The following HYDIN variants were observed in gnomAD, a reference collection of about 807,000 sequenced individuals.
HYDIN encodes axonemal central pair apparatus protein HYDIN.
A neutral mutation model predicts 403.9 loss-of-function variants in HYDIN; 132 were observed. That is an observed-to-expected ratio of 0.33 (90% CI 0.28 to 0.38). The LOEUF (loss-of-function observed/expected upper bound fraction) is 0.38. HYDIN is among the 10% of genes least tolerant of loss of function. The pLI, the probability that HYDIN is intolerant of heterozygous loss-of-function variation, is 1.00. For synonymous variants in HYDIN, 1,202 were observed against 1,891.7 expected, an observed-to-expected ratio of 0.64 and a Z score of 9.46; for missense variants, 2,827 against 5,009.5, an observed-to-expected ratio of 0.56 and a Z score of 13.15.
chr16:70,843,271 C>A (rs1294277066), intron 75 of HYDIN, among the ~76,000 whole-genome samples: 3 of 143,542 alleles, frequency 2.1e-5, no homozygotes, highest in Non-Finnish European at 4.5e-5. Context: ...CAATTCCCAC[C>A]TATGAGTGAG....
At chr16:71,107,245 A>G (rs969783984) in intron 10 of HYDIN, among the ~76,000 whole-genome samples, 1 of 151,546 alleles carries the variant, frequency 6.6e-6, no homozygotes, top group Non-Finnish European at 1.5e-5. Context: ...ACATGTATAC[A>G]TATGTAACAA....
At chr16:70,960,979 C>T (rs2078400399) in intron 38 of HYDIN, among the ~76,000 whole-genome samples, 1 of 152,270 alleles carries the variant, frequency 6.6e-6, no homozygotes, top group South Asian at 2.1e-4. Context: ...GCGTGAGCCA[C>T]CTTGCCCGGC....
chr16:70,862,105 A>G lies in HYDIN; in HGVS notation c.11720T>C (p.Phe3907Ser). Residue 3907 changes from phenylalanine to serine, a missense_variant, in exon 69 of 86, where the codon TTC (phenylalanine) becomes TCC (serine). Phe to Ser is a radical substitution (Grantham distance 155, BLOSUM62 -2). Transcript: ENST00000393567. ...GTCCAACGGGGAGAATTTTACTTTGAACTTCTGAATCTTCCCCACCGGCAC... is the reference window on the plus strand; with the variant it reads ...GTCCAACGGGGAGAATTTTACTTTGGACTTCTGAATCTTCCCCACCGGCAC... ...GIVPVGKIQKFKVKFSPLDIG... is the reference protein window; with the variant it reads ...GIVPVGKIQKSKVKFSPLDIG... 1 of 1,611,662 alleles carries G rather than the reference A, an allele frequency of 6.2e-7. No homozygotes were observed. Among genetic ancestry groups the G allele is most frequent in the Non-Finnish European group, 8.5e-7 (1 of 1,178,968 alleles).
In HYDIN at chr16:71,052,911, G is replaced by T. The variant is rs371789640; in HGVS notation, c.2529+7593C>A. The stretch of plus-strand genomic sequence containing the variant: ...AAAGAGAAAGAAGGAAAGAAAGAAA[G>T]AAAGAAAATGGATACAGTGAAGAAA... On this transcript the variant is annotated intron_variant, in intron 18 of 85. Transcript: ENST00000393567. Among the ~76,000 whole-genome samples, 338 of 139,640 alleles carry T rather than the reference G, an allele frequency of 2.4e-3. 3 individuals are homozygous for T. The highest frequency in any genetic ancestry group is 8.3e-3 in the African/African-American group (312 of 37,512). 91.6% of individuals were successfully genotyped at this position (139,640 alleles called of 152,430 possible).
chr16:71,207,110 CA>C (rs1479783923), intron 1 of HYDIN, among the ~76,000 whole-genome samples: 2 of 152,062 alleles, frequency 1.3e-5, no homozygotes, highest in African/African-American at 4.8e-5. Flanking sequence ...AGATCATCCC[CA>C]AGACACATAA....
At position 70,804,299 on chromosome 16, in the gene HYDIN, G is replaced by A. The variant is rs2035014529; in HGVS notation, c.*3281C>T. ...GGTGTTATAGGACCAACACGTTTGT[G>A]TGCCCACTGTGCAGTAACAGACCAA... On this transcript the variant is annotated 3_prime_UTR_variant, in exon 86 of 86. Coordinates refer to ENST00000393567, the MANE Select transcript of HYDIN (RefSeq NM_001270974.2). Among the ~76,000 whole-genome samples, 1 of 152,336 alleles carries A rather than the reference G, an allele frequency of 6.6e-6. No homozygotes were observed. The highest frequency in any genetic ancestry group is 2.4e-5 in the African/African-American group (1 of 41,576).
In HYDIN at chr16:71,178,428, A is replaced by AT. The variant is rs1555501875; in HGVS notation, c.381+499_381+500insA. On this transcript the variant is annotated intron_variant, in intron 4 of 85. Transcript: ENST00000393567. ...GAGTGAAACTCTGTCTCAAAAAAAA[A>AT]AAAAAAATATATATATATATATATG... Among the ~76,000 whole-genome samples the AT allele has an allele frequency of 1.8e-4, 21 of 115,614 alleles. No individual in the cohort carries two copies. The South Asian group carries it at 3.0e-3, about 17-fold the overall frequency. The allele number at this position is 115,614 out of a possible 152,430, so 75.8% of individuals were successfully genotyped here.
intron 8 of HYDIN, among the ~76,000 whole-genome samples, chr16:71,133,909 TA>T (rs56708595): frequency 5.0e-4 from 75 of 149,976 alleles, no homozygotes; most frequent in Admixed American, 1.9e-3. Context: ...ATTATCAAGT[TA>T]AAAAAAAAAA....
chr16:71,100,373 G>A (rs1327166817), intron 10 of HYDIN, among the ~76,000 whole-genome samples: 2 of 152,198 alleles, frequency 1.3e-5, no homozygotes, highest in Non-Finnish European at 2.9e-5. Context: ...CCAGCAGGTA[G>A]AATTTGGTGG....
chr16:70,849,297 T>C (rs1032333087), intron 75 of HYDIN, among the ~76,000 whole-genome samples: 7 of 152,110 alleles, frequency 4.6e-5, no homozygotes, highest in Non-Finnish European at 7.4e-5. Context: ...AAGCCTATTA[T>C]TAATTTTCAG....
intron 83 of HYDIN, among the ~76,000 whole-genome samples, chr16:70,822,327 G>C (rs958260183): frequency 6.6e-6 from 1 of 152,116 alleles, no homozygotes; most frequent in Admixed American, 6.6e-5. Flanking sequence ...TAGAATTAGA[G>C]GTGGAGCTTG....
intron 1 of HYDIN, among the ~76,000 whole-genome samples, chr16:71,202,416 C>T (rs2088066542): frequency 6.6e-6 from 1 of 152,112 alleles, no homozygotes; most frequent in Non-Finnish European, 1.5e-5. Context: ...TTGGATGCAA[C>T]CATCAAATCA....
At chr16:71,196,813 C>G (rs577597774) in intron 1 of HYDIN, among the ~76,000 whole-genome samples, 20 of 152,200 alleles carry the variant, frequency 1.3e-4, no homozygotes, top group Non-Finnish European at 2.4e-4. Flanking sequence ...GCTACACTTC[C>G]ACCAGTGCCA....
intron 13 of HYDIN, among the ~76,000 whole-genome samples, chr16:71,074,707 C>G (rs1250816749): frequency 4.6e-5 from 4 of 86,244 alleles, no homozygotes; most frequent in Admixed American, 2.6e-4. Flanking sequence ...CAAAAAACAC[C>G]AAAAAAAAAA....
chr16:70,896,344 C>A (rs1397595774), intron 53 of HYDIN, among the ~76,000 whole-genome samples: 1 of 151,610 alleles, frequency 6.6e-6, no homozygotes, highest in African/African-American at 2.4e-5. Flanking sequence ...TTGGGGTAGA[C>A]ATTACAGGAA....
chr16:70,904,422 T>C (rs1034945678), intron 50 of HYDIN, among the ~76,000 whole-genome samples: 4 of 129,928 alleles, frequency 3.1e-5, no homozygotes, highest in Non-Finnish European at 6.6e-5. Flanking sequence ...CTGAGAAATA[T>C]GTAGATCTAT....
chr16:71,081,165 G>A (rs3920226), intron 12 of HYDIN, among the ~76,000 whole-genome samples: 72 of 150,824 alleles, frequency 4.8e-4, no homozygotes, highest in African/African-American at 1.6e-3. Context: ...CAGTTATCTT[G>A]TTTACCTTCA....
At chr16:70,896,395 C>T (rs2076203894) in intron 53 of HYDIN, among the ~76,000 whole-genome samples, 1 of 152,116 alleles carries the variant, frequency 6.6e-6, no homozygotes, top group Non-Finnish European at 1.5e-5. Context: ...CTCTGTCACC[C>T]AGGCTGGAGT....
At chr16:71,204,315 A>C (rs1479311768) in intron 1 of HYDIN, among the ~76,000 whole-genome samples, 1 of 152,264 alleles carries the variant, frequency 6.6e-6, no homozygotes, top group Non-Finnish European at 1.5e-5. Context: ...AGCCAGCTAT[A>C]CACAGAAGAG....
Sources: allele counts gnomAD v4.1 joint callset (sites outside exome capture counted in the v4.1 genomes callset), GRCh38; gene constraint gnomAD v4.1.1; transcripts MANE v1.5; gene names NCBI Gene and HGNC (gene_info 2026-07-23, HGNC 2026-07-21).